UNC5D: variants seen among roughly 807,000 people sequenced by gnomAD.
The protein encoded by UNC5D is unc-5 netrin receptor D.
In UNC5D, 39 loss-of-function variants were observed where a neutral mutation model predicts 105.4. The ratio of observed to expected loss-of-function variants is 0.37; its 90% CI spans 0.29 to 0.48. UNC5D has a LOEUF of 0.48. Among genes scored for constraint, UNC5D ranks in the 20% least tolerant of loss-of-function variants. The probability of loss-of-function intolerance (pLI) is 0.98; values close to 1 mark genes in which losing one functional copy is unlikely to be tolerated. For missense variants in UNC5D, 991 were observed against 1,202.4 expected (o/e 0.82, Z 2.60); for synonymous variants, 452 against 450.4 (o/e 1.00, Z -0.04).
At chr8:35,788,608 T>G (rs1802860380) in intron 16 of UNC5D, among the ~76,000 whole-genome samples, 2 of 152,072 alleles carry the variant, frequency 1.3e-5, no homozygotes, top group South Asian at 4.2e-4. Flanking sequence ...AGTATTATCA[T>G]AAGTGCTGTA....
intron 4 of UNC5D, among the ~76,000 whole-genome samples, chr8:35,663,257 C>G (rs937702224): frequency 1.3e-5 from 2 of 152,000 alleles, no homozygotes; most frequent in Non-Finnish European, 2.9e-5. Flanking sequence ...TCAACACATT[C>G]CTATTCTTTA....
intron 1 of UNC5D, among the ~76,000 whole-genome samples, chr8:35,343,937 G>C (rs1811629254): frequency 6.6e-6 from 1 of 152,094 alleles, no homozygotes; most frequent in African/African-American, 2.4e-5. Context: ...AGAGTCATCT[G>C]AAGGTTACAT....
intron 1 of UNC5D, among the ~76,000 whole-genome samples, chr8:35,365,248 C>A (rs1324008606): frequency 6.6e-6 from 1 of 152,018 alleles, no homozygotes; most frequent in Non-Finnish European, 1.5e-5. Flanking sequence ...GTATATCCCT[C>A]CTGTGTTTCA....
At chr8:35,374,539 A>G (rs1334692802) in intron 1 of UNC5D, among the ~76,000 whole-genome samples, 4 of 152,328 alleles carry the variant, frequency 2.6e-5, no homozygotes, top group Non-Finnish European at 2.9e-5. Flanking sequence ...ACTAGACCAA[A>G]AGGAGACTAT....
At chr8:35,595,481 TTTTGTACTTGGACCA>T in intron 3 of UNC5D, 58 bp from the exon 4 acceptor site, 2 of 1,375,478 alleles carry the variant, frequency 1.5e-6, no homozygotes, top group Non-Finnish European at 1.0e-6. Context: ...AGCTCACTTT[TTTTGTACTTGGACCA>T]AATTTGAATA....
At chr8:35,566,705 T>G (rs972175890) in intron 2 of UNC5D, among the ~76,000 whole-genome samples, 9 of 152,186 alleles carry the variant, frequency 5.9e-5, no homozygotes, top group African/African-American at 2.2e-4. Context: ...TAGCATGCAC[T>G]GCCACAGAGT....
At chr8:35,269,273 C>T (rs1280525666) in intron 1 of UNC5D, among the ~76,000 whole-genome samples, 1 of 152,196 alleles carries the variant, frequency 6.6e-6, no homozygotes, top group Non-Finnish European at 1.5e-5. Context: ...ATCCCATTTG[C>T]CAAGCGTGCT....
intron 1 of UNC5D, among the ~76,000 whole-genome samples, chr8:35,471,424 T>A (rs1809714544): frequency 6.6e-6 from 1 of 152,166 alleles, no homozygotes; most frequent in Non-Finnish European, 1.5e-5. Context: ...AACAAAGCAT[T>A]CAGTGAGGTT....
intron 1 of UNC5D, among the ~76,000 whole-genome samples, chr8:35,317,184 G>A (rs1809371035): frequency 1.3e-5 from 2 of 152,052 alleles, no homozygotes; most frequent in South Asian, 2.1e-4. Flanking sequence ...ATCTTCCATC[G>A]ACATTTTCTA....
intron 9 of UNC5D, among the ~76,000 whole-genome samples, chr8:35,723,892 T>C (rs1828720277): frequency 6.6e-6 from 1 of 152,096 alleles, no homozygotes; most frequent in Non-Finnish European, 1.5e-5. Context: ...TAGTCTGTTA[T>C]CCTCTTGAGT....
intron 2 of UNC5D, among the ~76,000 whole-genome samples, chr8:35,550,635 T>C (rs969495867): frequency 1.3e-5 from 2 of 152,176 alleles, no homozygotes; most frequent in Non-Finnish European, 2.9e-5. Flanking sequence ...ACTTTACACA[T>C]AATGACAGAG....
chr8:35,280,364 C>T (rs1180144794), intron 1 of UNC5D, among the ~76,000 whole-genome samples: 1 of 152,142 alleles, frequency 6.6e-6, no homozygotes, highest in Non-Finnish European at 1.5e-5. Flanking sequence ...TTGGAGAAGA[C>T]AGTAGTGAGA....
At position 35,796,110 on chromosome 8, in the gene UNC5D, A is replaced by G. The variant is rs991023290; in HGVS notation, c.*5547A>G. ...ACTTTTATTTGATGTGTTCAAAGCC[A>G]AAAAATAAAATAAAATAAAGCAGGG... On this transcript the variant is annotated 3_prime_UTR_variant, in exon 17 of 17. Coordinates refer to ENST00000404895, the MANE Select transcript of UNC5D (RefSeq NM_080872.4). 2.6e-5 allele frequency: 4 copies of G among 152,180 alleles called. No homozygotes were observed. The highest frequency in any genetic ancestry group is 9.7e-5 in the African/African-American group (4 of 41,442). 9.4% of individuals were successfully genotyped at this position (152,180 alleles called of 1,614,324 possible).
At chr8:35,318,546 T>A (rs1809476130) in intron 1 of UNC5D, among the ~76,000 whole-genome samples, 2 of 152,114 alleles carry the variant, frequency 1.3e-5, no homozygotes, top group South Asian at 4.1e-4. Context: ...TGATACATAT[T>A]TTTTAGGGTT....
chr8:35,413,292 T>TGTGTG lies in UNC5D; in HGVS notation c.104-136000_104-135999insGTGTG, dbSNP rs56157732. On this transcript the variant is annotated intron_variant, in intron 1 of 16. Transcript: ENST00000404895. ...GTGTGTGTGTGTGTGTGTGTGTGTG[T>TGTGTG]TGTGTGTGTGTGTGTGTTTTCTCTC... is the stretch of plus-strand genomic sequence containing the variant. Among the ~76,000 whole-genome samples, 239 of 128,042 alleles carry TGTGTG rather than the reference T, an allele frequency of 1.9e-3. 1 individual carries two copies. Among genetic ancestry groups the TGTGTG allele is most frequent in the Non-Finnish European group, 3.0e-3 (189 of 62,724 alleles). The allele number at this position is 128,042 out of a possible 152,430, so 84.0% of individuals were successfully genotyped here. A position where few individuals can be genotyped will look rare whatever the true frequency, so the allele number is the denominator to read the frequency against.
chr8:35,507,183 G>A (rs916278114), intron 1 of UNC5D, among the ~76,000 whole-genome samples: 1 of 147,362 alleles, frequency 6.8e-6, no homozygotes, highest in Non-Finnish European at 1.5e-5. Flanking sequence ...AGCCTCCCAA[G>A]TAGCTGGGAC....
chr8:35,301,350 A>T (rs1807943536), intron 1 of UNC5D, among the ~76,000 whole-genome samples: 1 of 152,250 alleles, frequency 6.6e-6, no homozygotes. Flanking sequence ...TATCTAGATG[A>T]GTCCTTATTG....
intron 8 of UNC5D, among the ~76,000 whole-genome samples, chr8:35,708,099 A>T (rs983131995): frequency 6.6e-6 from 1 of 152,320 alleles, no homozygotes; most frequent in Non-Finnish European, 1.5e-5. Flanking sequence ...AATTATGAAG[A>T]TAATTGAGAA....
At chr8:35,474,142 G>A (rs1809923475) in intron 1 of UNC5D, among the ~76,000 whole-genome samples, 1 of 152,208 alleles carries the variant, frequency 6.6e-6, no homozygotes, top group Non-Finnish European at 1.5e-5. Flanking sequence ...GTGTGCACAT[G>A]CACTATAGGA....
Sources: gnomAD v4.1 joint callset for allele counts (sites outside exome capture counted in the v4.1 genomes callset) on GRCh38, gnomAD v4.1.1 for gene constraint, MANE v1.5 for transcripts, NCBI Gene and HGNC (gene_info 2026-07-23, HGNC 2026-07-21) for gene names.